Variants in INSR observed in about 807,000 individuals in gnomAD.
The protein encoded by INSR is insulin receptor.
INSR carries 67 observed loss-of-function variants against 142.6 expected under a neutral mutation model. That is an observed-to-expected ratio of 0.47 (90% CI 0.39 to 0.58). INSR has a LOEUF of 0.58. Among genes scored for constraint, INSR ranks in the 20% least tolerant of loss-of-function variants. The pLI is 0.00. For synonymous variants in INSR, 756 were observed against 743.1 expected (o/e 1.02, Z -0.28); for missense variants, 1,248 against 1,833.2 (o/e 0.68, Z 5.83).
Position 7,152,912 on chromosome 19 carries a change from G to C in INSR, c.2045C>G (p.Ser682Trp). The C allele has an allele frequency of 6.2e-7, 1 of 1,611,582 alleles. No homozygotes were observed. Among genetic ancestry groups the C allele is most frequent in the Non-Finnish European group, 8.5e-7 (1 of 1,179,636 alleles). The change falls in exon 10 of 22, where the codon TCG becomes TGG. Residue 682 changes from serine to tryptophan, a missense_variant. By Grantham distance (177) the Ser-to-Trp change is radical. Coordinates refer to ENST00000302850, the MANE Select transcript of INSR (RefSeq NM_000208.4). ...CTCGAATGGTGGAGACCAGGTCCTC[G>C]AGGGCAGCTTCAGCCCTGGAGAAAG... ...DYCLKGLKLPSRTWSPPFESE... is the reference protein window; with the variant it reads ...DYCLKGLKLPWRTWSPPFESE...
Position 7,225,286 on chromosome 19 carries a change from G to A in INSR, c.653-40649C>T, listed in dbSNP as rs1033479828. Among the ~76,000 whole-genome samples, 4 of 152,126 alleles carry A rather than the reference G, an allele frequency of 2.6e-5. No individual in the cohort carries two copies. Among genetic ancestry groups the A allele is most frequent in the African/African-American group, 7.2e-5 (3 of 41,430 alleles). On this transcript the variant is annotated intron_variant, in intron 2 of 21. Transcript: ENST00000302850. This position sits in a 1 kb window ranked among gnomAD's most constrained non-coding sequence, Gnocchi z 4.7. ...TCAATGTTACTGTGGGCCAGTTGCC[G>A]TTATAGGTGTAAGATGATTCCTCAG...
At chr19:7,255,170 C>A (rs1057442156) in intron 2 of INSR, among the ~76,000 whole-genome samples, 2 of 152,174 alleles carry the variant, frequency 1.3e-5, no homozygotes, top group African/African-American at 4.8e-5. Context: ...TTCAGCGCAG[C>A]CTTGAACCCA....
At chr19:7,246,694 T>C (rs956405283) in intron 2 of INSR, among the ~76,000 whole-genome samples, 4 of 152,250 alleles carry the variant, frequency 2.6e-5, no homozygotes, top group Non-Finnish European at 4.4e-5. Flanking sequence ...CCCAGTTTTA[T>C]GTTTCAGGGT....
At chr19:7,141,860 G>A in intron 12 of INSR, 44 bp from the exon 13 acceptor site, 3 of 1,515,208 alleles carry the variant, frequency 2.0e-6, no homozygotes, top group Non-Finnish European at 2.7e-6. Flanking sequence ...ACTCTTGGAT[G>A]AGATCCCACT....
chr19:7,197,081 A>G (rs1974768474), intron 2 of INSR, among the ~76,000 whole-genome samples: 1 of 152,176 alleles, frequency 6.6e-6, no homozygotes, highest in Admixed American at 6.6e-5. Flanking sequence ...GGGGGCAGCC[A>G]AGGAGGTGAA....
At chr19:7,259,949 G>A (rs1489380082) in intron 2 of INSR, among the ~76,000 whole-genome samples, 1 of 151,984 alleles carries the variant, frequency 6.6e-6, no homozygotes, top group Non-Finnish European at 1.5e-5. Flanking sequence ...AGACCGACCT[G>A]AGCCACATAG....
At chr19:7,250,581 G>T (rs1976694695) in intron 2 of INSR, among the ~76,000 whole-genome samples, 1 of 141,382 alleles carries the variant, frequency 7.1e-6, no homozygotes, top group African/African-American at 2.6e-5. Context: ...AAGGAAGGAG[G>T]GAGGGAAGGA....
chr19:7,210,776 C>T lies in INSR; in HGVS notation c.653-26139G>A, dbSNP rs148728489. Among the ~76,000 whole-genome samples the T allele has an allele frequency of 5.7e-4, 87 of 152,238 alleles. 1 individual carries two copies. The highest frequency in any genetic ancestry group is 9.3e-4 in the Non-Finnish European group (63 of 68,014). On this transcript the variant is annotated intron_variant, in intron 2 of 21. Coordinates refer to ENST00000302850, the MANE Select transcript of INSR (RefSeq NM_000208.4). ...ACAGAGTCTTACTCTGTGGCCCAGG[C>T]TGGAGTGCAGTGGTACAGTCTCAGC...
chr19:7,173,360 C>A (rs1449520171), intron 4 of INSR, among the ~76,000 whole-genome samples: 1 of 151,996 alleles, frequency 6.6e-6, no homozygotes, highest in Non-Finnish European at 1.5e-5. Context: ...GGTCTATGGC[C>A]CAGGCTGGAG....
At chr19:7,199,807 C>T (rs1267527881) in intron 2 of INSR, among the ~76,000 whole-genome samples, 9 of 151,074 alleles carry the variant, frequency 6.0e-5, no homozygotes, top group African/African-American at 2.4e-5. Context: ...AGACCCTGTC[C>T]CTGCCCTCCC....
At chr19:7,259,916 A>G (rs1306806891) in intron 2 of INSR, among the ~76,000 whole-genome samples, 1 of 151,948 alleles carries the variant, frequency 6.6e-6, no homozygotes, top group East Asian at 1.9e-4. Context: ...AGGTGGGGGG[A>G]TTCCTTAGAG....
chr19:7,242,844 T>C (rs1222098218), intron 2 of INSR, among the ~76,000 whole-genome samples: 1 of 151,026 alleles, frequency 6.6e-6, no homozygotes, highest in Non-Finnish European at 1.5e-5. Context: ...AAATGAAAAT[T>C]TTGGCCTAAA....
At chr19:7,278,542 A>C (rs533758766) in intron 1 of INSR, among the ~76,000 whole-genome samples, 6 of 152,218 alleles carry the variant, frequency 3.9e-5, no homozygotes, top group Non-Finnish European at 8.8e-5. Context: ...TTGAGAAAAC[A>C]GGATACCACA....
chr19:7,230,149 G>A (rs919521757), intron 2 of INSR, among the ~76,000 whole-genome samples: 1 of 152,038 alleles, frequency 6.6e-6, no homozygotes, highest in Admixed American at 6.6e-5. Flanking sequence ...ACAGCACCTG[G>A]CTCTCAGCAG....
At chr19:7,178,293 A>G (rs1188748720) in intron 3 of INSR, among the ~76,000 whole-genome samples, 2 of 150,568 alleles carry the variant, frequency 1.3e-5, no homozygotes, top group East Asian at 3.9e-4. Flanking sequence ...GTCACCAGAA[A>G]GAACAACCCT....
intron 2 of INSR, among the ~76,000 whole-genome samples, chr19:7,246,526 C>T (rs1350899313): frequency 6.6e-6 from 1 of 152,180 alleles, no homozygotes; most frequent in Non-Finnish European, 1.5e-5. Flanking sequence ...TGTTTGTGGT[C>T]AGCTGGTGGG....
At chr19:7,224,185 G>A (rs897029375) in intron 2 of INSR, among the ~76,000 whole-genome samples, 2 of 150,602 alleles carry the variant, frequency 1.3e-5, no homozygotes, top group African/African-American at 4.9e-5. Flanking sequence ...CTCGTGATCC[G>A]CCTGCCTCAG....
At chr19:7,190,014 TACAG>T (rs1439762335) in intron 2 of INSR, among the ~76,000 whole-genome samples, 2 of 151,882 alleles carry the variant, frequency 1.3e-5, no homozygotes, top group Non-Finnish European at 2.9e-5. Flanking sequence ...AGAGTTAACT[TACAG>T]ACAGATATGC....
At chr19:7,175,989 CAT>C (rs1368706148) in intron 3 of INSR, among the ~76,000 whole-genome samples, 2 of 152,130 alleles carry the variant, frequency 1.3e-5, no homozygotes, top group African/African-American at 4.8e-5. Context: ...TGACAAGACT[CAT>C]ATTTTACCCC....
Sources: gnomAD v4.1 joint callset for allele counts (sites outside exome capture counted in the v4.1 genomes callset) on GRCh38, gnomAD v4.1.1 for gene constraint, Gnocchi (gnomAD v3.1) non-coding constraint, MANE v1.5 for transcripts, NCBI Gene and HGNC (gene_info 2026-07-23, HGNC 2026-07-21) for gene names.